The following EFCAB6 variants were observed in gnomAD, a reference collection of about 807,000 sequenced individuals.
EFCAB6 encodes the protein EF-hand calcium-binding domain-containing protein 6.
Under a neutral mutation model 169.8 loss-of-function variants are expected in EFCAB6, and 156 were observed. The ratio of observed to expected loss-of-function variants is 0.92; its 90% confidence interval spans 0.81 to 1.05. The LOEUF (loss-of-function observed/expected upper bound fraction) is 1.05, where lower values mean the gene tolerates loss of function less well. Among genes scored for constraint, EFCAB6 ranks in the 50% least tolerant of loss-of-function variants. The probability of loss-of-function intolerance (pLI) is 0.00; values close to 1 mark genes in which losing one functional copy is unlikely to be tolerated. For synonymous variants in EFCAB6, 698 were observed against 676.4 expected (o/e 1.03, Z -0.50); for missense variants, 1,800 against 1,829.1 (o/e 0.98, Z 0.29).
Position 43,600,184 on chromosome 22 carries a change from G to A in EFCAB6, c.2761C>T (p.His921Tyr). Residue 921 changes from histidine (H) to tyrosine (Y), a missense_variant, in exon 23 of 32, where the codon CAT becomes TAT. Coordinates refer to ENST00000262726, the MANE Select transcript of EFCAB6 (RefSeq NM_022785.4). The stretch of plus-strand genomic sequence containing the variant: ...AAATAATCCTCTGCACAGGGCCGAT[G>A]GACAGCAGGCGAATAGTTAATACCC... ...KLGINYSPAVHRPCAEDYFNF... is the reference protein window; with the variant it reads ...KLGINYSPAVYRPCAEDYFNF... 1 of 1,614,122 alleles carries A rather than the reference G, an allele frequency of 6.2e-7. No homozygotes were observed. The highest frequency in any genetic ancestry group is 1.1e-5 in the South Asian group (1 of 91,070).
rs985194502 is a variant in EFCAB6, at chr22:43,744,424, A to G, written c.508-8431T>C. Among the ~76,000 whole-genome samples the G allele has an allele frequency of 4.6e-5, 7 of 152,332 alleles. No individual in the cohort carries two copies. The highest frequency in any genetic ancestry group is 1.2e-4 in the African/African-American group (5 of 41,578). On this transcript the variant is annotated intron_variant, in intron 6 of 31. Transcript: ENST00000262726. The surrounding 1 kb of genome is among the most constrained non-coding windows in gnomAD (Gnocchi z 4.3). ...AAGAGGAACTGAGACTCAGACAGAC[A>G]CAGCAGAGCAAGGCAGAAGCAGCAG...
chr22:43,653,404 C>T lies in EFCAB6; in HGVS notation c.1983+13700G>A, dbSNP rs147143566. Among the ~76,000 whole-genome samples, 621 of 152,270 alleles carry T rather than the reference C, an allele frequency of 4.1e-3. 3 individuals carry two copies. The highest frequency in any genetic ancestry group is 0.014 in the Middle Eastern group (4 of 294). Reference sequence around the variant, plus strand: ...CTGATAGAAGACATAGACCATGGAACGGTATCTTTAAAATGCCAGAAGAAA... The same window carrying T: ...CTGATAGAAGACATAGACCATGGAATGGTATCTTTAAAATGCCAGAAGAAA... On this transcript the variant is annotated intron_variant, in intron 17 of 31. Transcript: ENST00000262726.
intron 23 of EFCAB6, among the ~76,000 whole-genome samples, chr22:43,599,509 C>CAAAAAAAAAAAAAAAAA (rs58130994): frequency 4.5e-5 from 2 of 44,244 alleles, no homozygotes; most frequent in African/African-American, 1.8e-4. Flanking sequence ...GATTCCATCT[C>CAAAAAAAAAAAAAAAAA]AAAAAAAAAA....
At chr22:43,756,400 T>C (rs1329046590) in intron 5 of EFCAB6, among the ~76,000 whole-genome samples, 1 of 152,216 alleles carries the variant, frequency 6.6e-6, no homozygotes, top group Non-Finnish European at 1.5e-5. Context: ...AAGGGCTTCG[T>C]GGTCAATGCA....
At chr22:43,622,638 G>A (rs2147792351) in intron 20 of EFCAB6, among the ~76,000 whole-genome samples, 1 of 152,258 alleles carries the variant, frequency 6.6e-6, no homozygotes, top group South Asian at 2.1e-4. Flanking sequence ...CATTTGTTAT[G>A]TGGTCTTAGC....
rs36058832 is a variant in EFCAB6, at chr22:43,586,340, A to ATTTTTTTTTTTTTTTTTTTT, written c.3032+3714_3032+3733dup. ...ACTGTAAACTCTTGAGCAACAACTG[A>ATTTTTTTTTTTTTTTTTTTT]TTTTTTTTTTTTTTTTTTTTTTTTT... On this transcript the variant is annotated intron_variant, in intron 24 of 31. Transcript: ENST00000262726. Among the ~76,000 whole-genome samples, 43 of 72,918 alleles carry ATTTTTTTTTTTTTTTTTTTT rather than the reference A, an allele frequency of 5.9e-4. 4 individuals are homozygous for ATTTTTTTTTTTTTTTTTTTT. The highest frequency in any genetic ancestry group is 9.7e-4 in the African/African-American group (15 of 15,432). 47.8% of individuals were successfully genotyped at this position (72,918 alleles called of 152,430 possible).
intron 22 of EFCAB6, among the ~76,000 whole-genome samples, chr22:43,602,029 G>C (rs1400217521): frequency 6.6e-6 from 1 of 152,220 alleles, no homozygotes; most frequent in East Asian, 1.9e-4. Flanking sequence ...TTGCAGGCAG[G>C]GTGCAGATAG....
At chr22:43,800,054 G>T (rs995305346) in intron 2 of EFCAB6, among the ~76,000 whole-genome samples, 2 of 152,292 alleles carry the variant, frequency 1.3e-5, no homozygotes, top group African/African-American at 4.8e-5. Context: ...GGGGAGGTGG[G>T]ACTACCATCT....
intron 2 of EFCAB6, 116 bp downstream of exon 2, chr22:43,808,879 T>C (rs923801203): frequency 6.6e-6 from 1 of 152,186 alleles, no homozygotes; most frequent in Non-Finnish European, 1.5e-5. Context: ...GCTCAATGAA[T>C]AGTTGCTAAG....
chr22:43,648,041 C>A (rs1253743242), intron 17 of EFCAB6, among the ~76,000 whole-genome samples: 1 of 152,028 alleles, frequency 6.6e-6, no homozygotes, highest in Admixed American at 6.5e-5. Context: ...CTAACCCTAA[C>A]CCTATTAGGA....
chr22:43,774,669 T>C (rs1603355681), intron 3 of EFCAB6, among the ~76,000 whole-genome samples: 1 of 151,510 alleles, frequency 6.6e-6, no homozygotes, highest in African/African-American at 2.4e-5. Context: ...GGATGGCTGG[T>C]TTCCGGTGAC....
intron 2 of EFCAB6, among the ~76,000 whole-genome samples, chr22:43,805,063 A>G (rs974847202): frequency 6.6e-5 from 10 of 152,246 alleles, no homozygotes; most frequent in African/African-American, 2.4e-4. Flanking sequence ...TGGCATTTAT[A>G]CATACCAACA....
chr22:43,594,461 A>G (rs1254058335), intron 23 of EFCAB6, among the ~76,000 whole-genome samples: 1 of 152,166 alleles, frequency 6.6e-6, no homozygotes, highest in South Asian at 2.1e-4. Context: ...TATTCAATGC[A>G]AATGGAAACC....
Position 43,683,769 on chromosome 22 carries a change from T to C in EFCAB6, c.1229A>G (p.Lys410Arg). ...TACAGTGTTGATTATCAGTAATGCT[T>C]TCTTCAGTGACGCAGAGTGATCTTC... ...HTEDHSASLK[K>R]ALLIINTKPD... is the part of the protein sequence containing the mutation. Residue 410 changes from lysine to arginine, a missense_variant, in exon 12 of 32, where the codon AAA becomes AGA. Coordinates refer to ENST00000262726, the MANE Select transcript of EFCAB6 (RefSeq NM_022785.4). 6.2e-7 allele frequency: 1 copy of C among 1,612,482 alleles called. No homozygotes were observed. Among genetic ancestry groups the C allele is most frequent in the Non-Finnish European group, 8.5e-7 (1 of 1,178,498 alleles).
At chr22:43,608,697 A>T in intron 21 of EFCAB6, 97 bp from the exon 22 acceptor site, 1 of 1,101,790 alleles carries the variant, frequency 9.1e-7, no homozygotes, top group Non-Finnish European at 1.4e-6. Context: ...ACTCTAAGGC[A>T]TCTGTATCCC....
At chr22:43,740,332 G>T (rs1404931850) in intron 6 of EFCAB6, among the ~76,000 whole-genome samples, 1 of 152,280 alleles carries the variant, frequency 6.6e-6, no homozygotes, top group Non-Finnish European at 1.5e-5. Flanking sequence ...CTCTAGGACA[G>T]CATCTGGCAC....
At chr22:43,610,329 C>T (rs1208872900) in intron 21 of EFCAB6, among the ~76,000 whole-genome samples, 1 of 152,158 alleles carries the variant, frequency 6.6e-6, no homozygotes. Flanking sequence ...TTTCTGTTGA[C>T]CAATGAGAAA....
intron 12 of EFCAB6, among the ~76,000 whole-genome samples, chr22:43,682,172 T>C (rs2058031972): frequency 6.6e-6 from 1 of 152,248 alleles, no homozygotes; most frequent in African/African-American, 2.4e-5. Context: ...GAGGGGAATC[T>C]CACTCTGAAA....
At chr22:43,709,589 A>T (rs1246046185) in intron 10 of EFCAB6, among the ~76,000 whole-genome samples, 1 of 152,258 alleles carries the variant, frequency 6.6e-6, no homozygotes, top group Non-Finnish European at 1.5e-5. Flanking sequence ...TGTAAAGATT[A>T]TATTTGTACG....
Sources: gnomAD v4.1 joint callset for allele counts (sites outside exome capture counted in the v4.1 genomes callset) on GRCh38, gnomAD v4.1.1 for gene constraint, Gnocchi (gnomAD v3.1) non-coding constraint, MANE v1.5 for transcripts, NCBI Gene and HGNC (gene_info 2026-07-23, HGNC 2026-07-21) for gene names.